The following DPP6 variants were observed in gnomAD, a reference collection of about 807,000 sequenced individuals.
DPP6 encodes A-type potassium channel modulatory protein DPP6.
In DPP6, 69 loss-of-function variants were observed where a neutral mutation model predicts 122.6. The observed-to-expected ratio is 0.56, with a 90% CI of 0.46 to 0.69. The LOEUF (loss-of-function observed/expected upper bound fraction) is 0.69. DPP6 is among the 30% of genes least tolerant of loss of function. DPP6 has a pLI of 0.00. For missense variants in DPP6, 928 were observed against 1,116.9 expected, an observed-to-expected ratio of 0.83 and a Z score of 2.41; for synonymous variants, 418 against 433.1, an observed-to-expected ratio of 0.97 and a Z score of 0.43.
Position 154,892,412 on chromosome 7 carries a change from G to A in DPP6, c.2530G>A (p.Val844Met), listed in dbSNP as rs1267150117. Residue 844 changes from valine to methionine, a missense_variant, in exon 26 of 26, where the codon GTG becomes ATG. Coordinates refer to ENST00000377770, the MANE Select transcript of DPP6 (RefSeq NM_130797.4). ...GTACCGGTCCATCATCAACTTCTTC[G>A]TGGAATGCTTCAGGATCCAGGACAA... The part of the protein sequence containing the change: ...HLYRSIINFF[V>M]ECFRIQDKLL... 5 of 1,613,870 alleles carry A rather than the reference G, an allele frequency of 3.1e-6. No homozygotes were observed. The African/African-American group carries it at 5.3e-5, about 17-fold the overall frequency.
intron 1 of DPP6, among the ~76,000 whole-genome samples, chr7:154,224,454 A>G (rs1456978561): frequency 1.3e-5 from 2 of 149,022 alleles, no homozygotes; most frequent in East Asian, 2.0e-4. Flanking sequence ...TAAAAATGAA[A>G]CTCAACTTTG....
At chr7:153,881,664 C>T in the DPP6 span, among the ~76,000 whole-genome samples, 1 of 152,160 alleles carries the variant, frequency 6.6e-6, no homozygotes, top group Non-Finnish European at 1.5e-5. Context: ...TAGGACACGG[C>T]TCACATGGCT....
chr7:154,334,849 T>C (rs1809263029), intron 1 of DPP6, among the ~76,000 whole-genome samples: 1 of 152,076 alleles, frequency 6.6e-6, no homozygotes, highest in African/African-American at 2.4e-5. Context: ...TGAGCCAAGA[T>C]TGTACCACTG....
intron 16 of DPP6, among the ~76,000 whole-genome samples, chr7:154,825,792 C>G (rs150658581): frequency 6.6e-6 from 1 of 152,148 alleles, no homozygotes; most frequent in Non-Finnish European, 1.5e-5. Context: ...GCACACAGCA[C>G]GTGGAGAAGG....
chr7:154,375,625 C>T (rs1424448013), intron 1 of DPP6, among the ~76,000 whole-genome samples: 1 of 151,898 alleles, frequency 6.6e-6, no homozygotes, highest in Admixed American at 6.5e-5. Context: ...AATGTACAGA[C>T]TCAGTGAGAA....
chr7:154,415,737 C>T (rs936369397), intron 1 of DPP6, among the ~76,000 whole-genome samples: 1 of 148,854 alleles, frequency 6.7e-6, no homozygotes, highest in African/African-American at 2.5e-5. Flanking sequence ...TAGAATGCCC[C>T]ATTTTCTGGC....
the DPP6 span, among the ~76,000 whole-genome samples, chr7:153,771,199 A>G: frequency 2.0e-5 from 3 of 152,246 alleles, no homozygotes; most frequent in Non-Finnish European, 4.4e-5. Flanking sequence ...ACCATGTTCA[A>G]TTGCTGAAGA....
chr7:154,286,043 T>A (rs1027698501), intron 1 of DPP6, among the ~76,000 whole-genome samples: 2 of 152,200 alleles, frequency 1.3e-5, no homozygotes, highest in Admixed American at 1.3e-4. Flanking sequence ...TTTCTCAGTA[T>A]TTTAAAAACA....
intron 2 of DPP6, among the ~76,000 whole-genome samples, chr7:154,463,844 T>C (rs1283581064): frequency 1.3e-5 from 2 of 152,140 alleles, no homozygotes; most frequent in African/African-American, 4.8e-5. Flanking sequence ...GACAATTTCC[T>C]CTTTTCTCTT....
At chr7:153,779,848 G>A in the DPP6 span, among the ~76,000 whole-genome samples, 1 of 149,748 alleles carries the variant, frequency 6.7e-6, no homozygotes, top group Non-Finnish European at 1.5e-5. Context: ...AGTACTGTTG[G>A]AGCAACATTA....
intron 1 of DPP6, among the ~76,000 whole-genome samples, chr7:154,320,367 T>G (rs1372194287): frequency 1.3e-5 from 2 of 152,186 alleles, no homozygotes; most frequent in African/African-American, 4.8e-5. Context: ...AACTGTCTCC[T>G]ACCTTCTAAT....
intron 8 of DPP6, among the ~76,000 whole-genome samples, chr7:154,756,806 G>A (rs758139592): frequency 1.3e-5 from 2 of 152,190 alleles, no homozygotes; most frequent in East Asian, 1.9e-4. Context: ...CTAGAACAAC[G>A]AGAGAAAAAT....
chr7:153,932,104 T>G (rs1423043308), intron 1 of DPP6, among the ~76,000 whole-genome samples: 1 of 149,912 alleles, frequency 6.7e-6, no homozygotes, highest in Non-Finnish European at 1.5e-5. Flanking sequence ...CTACTTGGCT[T>G]TGATTTATCA....
At chr7:154,421,783 A>G (rs1817493232) in intron 1 of DPP6, among the ~76,000 whole-genome samples, 1 of 152,232 alleles carries the variant, frequency 6.6e-6, no homozygotes, top group South Asian at 2.1e-4. Flanking sequence ...TGAGTCAAAC[A>G]AGTCATTAGT....
chr7:154,171,433 CT>C (rs1361454985), intron 1 of DPP6, among the ~76,000 whole-genome samples: 2 of 152,200 alleles, frequency 1.3e-5, no homozygotes, highest in African/African-American at 4.8e-5. Context: ...TTAACAGTCA[CT>C]GTCTCAAAAA....
At chr7:153,799,528 A>T in the DPP6 span, among the ~76,000 whole-genome samples, 1 of 152,122 alleles carries the variant, frequency 6.6e-6, no homozygotes, top group African/African-American at 2.4e-5. Flanking sequence ...TGTACACACC[A>T]TCCCGCTCTA....
chr7:153,844,564 A>G, the DPP6 span, among the ~76,000 whole-genome samples: 1 of 152,226 alleles, frequency 6.6e-6, no homozygotes, highest in Non-Finnish European at 1.5e-5. Context: ...TGATTTTAAC[A>G]TGTCAGGAAA....
the DPP6 span, among the ~76,000 whole-genome samples, chr7:153,814,867 A>G: frequency 6.6e-6 from 1 of 151,814 alleles, no homozygotes; most frequent in African/African-American, 2.4e-5. Flanking sequence ...CCACATGATT[A>G]TCTCAATAGA....
chr7:154,146,560 G>A (rs1327169723), intron 1 of DPP6, among the ~76,000 whole-genome samples: 1 of 152,220 alleles, frequency 6.6e-6, no homozygotes, highest in African/African-American at 2.4e-5. Context: ...CCCTTCTCCA[G>A]CAGGTGCTCC....
Sources: allele counts gnomAD v4.1 joint callset (sites outside exome capture counted in the v4.1 genomes callset), GRCh38; gene constraint gnomAD v4.1.1; transcripts MANE v1.5; gene names NCBI Gene and HGNC (gene_info 2026-07-23, HGNC 2026-07-21).